CRYGS: variants seen among roughly 807,000 people sequenced by gnomAD.
The protein encoded by CRYGS is crystallin gamma S, also known as gamma-crystallin S.
A neutral mutation model predicts 21.3 loss-of-function variants in CRYGS; 13 were observed. The observed-to-expected ratio is 0.61, with a 90% confidence interval of 0.40 to 0.97. The LOEUF (loss-of-function observed/expected upper bound fraction) is 0.97. Among genes scored for constraint, CRYGS ranks in the 50% least tolerant of loss-of-function variants. CRYGS has a pLI of 0.00. For synonymous variants in CRYGS, 67 were observed against 75.0 expected (o/e 0.89, Z 0.55); for missense variants, 205 against 229.7 (o/e 0.89, Z 0.69).
intron 1 of CRYGS, among the ~76,000 whole-genome samples, chr3:186,542,543 A>G (rs1300689311): frequency 1.3e-5 from 2 of 152,218 alleles, no homozygotes; most frequent in Non-Finnish European, 2.9e-5. Flanking sequence ...AAATATCTTG[A>G]GTATCCCAGA....
chr3:186,543,575 GATATACAA>G (rs1337523043), intron 1 of CRYGS, among the ~76,000 whole-genome samples: 1 of 152,150 alleles, frequency 6.6e-6, no homozygotes, highest in Non-Finnish European at 1.5e-5. Flanking sequence ...ATAAGTGAAA[GATATACAA>G]ATATTCATTC....
intron 1 of CRYGS, 187 bp from the exon 2 acceptor site, chr3:186,539,784 G>T: frequency 1.6e-6 from 1 of 640,018 alleles, no homozygotes; most frequent in Non-Finnish European, 2.6e-6. Context: ...CAACAGAAAT[G>T]AGTTCTTCCT....
At chr3:186,541,008 T>A (rs936014338) in intron 1 of CRYGS, among the ~76,000 whole-genome samples, 26 of 152,044 alleles carry the variant, frequency 1.7e-4, no homozygotes, top group Non-Finnish European at 3.1e-4. Context: ...TATGAGTGAG[T>A]TGGACTTAGT....
chr3:186,541,981 G>C (rs1714080807), intron 1 of CRYGS, among the ~76,000 whole-genome samples: 2 of 152,130 alleles, frequency 1.3e-5, no homozygotes. Context: ...TAATTCATAT[G>C]TTCTATTTGC....
chr3:186,540,337 T>C (rs1462820982), intron 1 of CRYGS: 1 of 152,258 alleles, frequency 6.6e-6, no homozygotes, highest in Non-Finnish European at 1.5e-5. Context: ...ACTACAGAGC[T>C]CCCTCTCTAC....
intron 1 of CRYGS, among the ~76,000 whole-genome samples, chr3:186,543,644 A>T (rs1052962707): frequency 6.6e-5 from 10 of 152,200 alleles, no homozygotes; most frequent in Non-Finnish European, 1.0e-4. Flanking sequence ...AAATTTTCAA[A>T]TAGCTGGGGG....
At chr3:186,543,737 A>T (rs1714121624) in intron 1 of CRYGS, among the ~76,000 whole-genome samples, 1 of 152,194 alleles carries the variant, frequency 6.6e-6, no homozygotes, top group Non-Finnish European at 1.5e-5. Flanking sequence ...CCAAAGCCCT[A>T]CCTGAAAGAA....
intron 1 of CRYGS, 97 bp downstream of exon 1, chr3:186,544,209 A>T (rs1419794550): frequency 1.2e-6 from 1 of 841,088 alleles, no homozygotes; most frequent in South Asian, 1.3e-5. Context: ...AACCACTATC[A>T]TACTCACCTC....
chr3:186,541,878 G>A (rs968892678), intron 1 of CRYGS, among the ~76,000 whole-genome samples: 1 of 152,174 alleles, frequency 6.6e-6, no homozygotes, highest in Non-Finnish European at 1.5e-5. Flanking sequence ...CCAAGGCTGG[G>A]CCTAAGCCTC....
At chr3:186,543,693 G>A (rs755732720) in intron 1 of CRYGS, among the ~76,000 whole-genome samples, 64 of 151,956 alleles carry the variant, frequency 4.2e-4, no homozygotes, top group African/African-American at 1.2e-3. Context: ...CAGTGGAAGC[G>A]CAAAAAAGAA....
chr3:186,540,721 C>T (rs1194493096), intron 1 of CRYGS: 8 of 975,496 alleles, frequency 8.2e-6, no homozygotes, highest in African/African-American at 5.3e-5. Context: ...ATGGATTTCA[C>T]GGGCGAAAAC....
At chr3:186,539,636 G>A in intron 1 of CRYGS, 39 bp from the exon 2 acceptor site, 2 of 1,612,868 alleles carry the variant, frequency 1.2e-6, no homozygotes, top group Non-Finnish European at 1.7e-6. Flanking sequence ...CTGAGGAGCT[G>A]GGTGGCTTAA....
intron 1 of CRYGS, 39 bp from the exon 2 acceptor site, chr3:186,539,636 G>C: frequency 6.2e-7 from 1 of 1,612,868 alleles, no homozygotes; most frequent in Non-Finnish European, 8.5e-7. Context: ...CTGAGGAGCT[G>C]GGTGGCTTAA....
At position 186,538,798 on chromosome 3, in the gene CRYGS, G is replaced by A; in HGVS notation, c.435C>T (p.Tyr145=). 6.2e-7 allele frequency: 1 copy of A among 1,614,134 alleles called. No individual in the cohort carries two copies. Among genetic ancestry groups the A allele is most frequent in the Non-Finnish European group, 8.5e-7 (1 of 1,180,012 alleles). Residue 145 remains tyrosine, a synonymous_variant, in exon 3 of 3, where the codon TAC becomes TAT. Transcript: ENST00000307944. ...GVWIFYELPN[Y]RGRQYLLDKK... ...TGTCCAGGAGGTACTGCCTGCCACG[G>A]TAGTTGGGTAGCTCATAGAAAATCC...
At position 186,543,332 on chromosome 3, in the gene CRYGS, CAG is replaced by C. The variant is rs146859487; in HGVS notation, c.21+972_21+973del. 6.9e-3 allele frequency among the ~76,000 whole-genome samples: 1,049 copies of C among 152,196 alleles called. 11 individuals carry two copies. Among genetic ancestry groups the C allele is most frequent in the African/African-American group, 0.024 (991 of 41,524 alleles). On this transcript the variant is annotated intron_variant, in intron 1 of 2. Coordinates refer to ENST00000307944, the MANE Select transcript of CRYGS (RefSeq NM_017541.4). ...CATGAAGCACTTTTCTGGGGACAAT[CAG>C]GGGAGATTTGAATATGGTCTCAATA...
In CRYGS at chr3:186,544,185, A is replaced by T. The variant is rs570046633; in HGVS notation, c.21+121T>A. 7.7e-6 allele frequency: 6 copies of T among 774,990 alleles called. 1 individual carries two copies. In the South Asian group the frequency reaches 8.3e-5, roughly 11 times the overall value. 48.0% of individuals were successfully genotyped at this position (774,990 alleles called of 1,614,324 possible). A position where few individuals can be genotyped will look rare whatever the true frequency, so the allele number is the denominator to read the frequency against. ...TAAGCATTTCTTAATCTTCTCTCTCAATCCCAGTTCTCTAACCACTATCAT... is the reference window on the plus strand; with the variant it reads ...TAAGCATTTCTTAATCTTCTCTCTCTATCCCAGTTCTCTAACCACTATCAT... On this transcript the variant is annotated intron_variant, in intron 1 of 2. Coordinates refer to ENST00000307944, the MANE Select transcript of CRYGS (RefSeq NM_017541.4).
In CRYGS at chr3:186,539,503, G is replaced by C. The variant is rs1184398243; in HGVS notation, c.116C>G (p.Ser39Cys). ...DFHTYLSRCN[S>C]IKVEGGTWAV... Reference sequence around the variant, plus strand: ...CCAGGTGCCTCCTTCCACTTTAATGGAGTTGCAGCGACTTAGGTATGTGTG... The same window carrying C: ...CCAGGTGCCTCCTTCCACTTTAATGCAGTTGCAGCGACTTAGGTATGTGTG... Residue 39 changes from serine to cysteine, a missense_variant, in exon 2 of 3, where the codon TCC (serine) becomes TGC (cysteine). Physicochemically the swap from Ser to Cys is moderately radical, Grantham distance 112. Transcript: ENST00000307944. The C allele has an allele frequency of 6.2e-7, 1 of 1,613,920 alleles. No homozygotes were observed. The highest frequency in any genetic ancestry group is 1.1e-5 in the South Asian group (1 of 91,054).
rs761628147 is a variant in CRYGS, at chr3:186,539,395, C to G, written c.224G>C (p.Gly75Ala). The part of the protein sequence containing the change: ...GEYPEYQRWM[G>A]LNDRLSSCRA... ...GCAGGAGCTGAGGCGGTCGTTGAGG[C>G]CCATCCAACGCTGGTATTCAGGGTA... Residue 75 changes from glycine (G) to alanine (A), a missense_variant, in exon 2 of 3, where the codon GGC becomes GCC. Physicochemically the swap from Gly to Ala is moderately conservative, Grantham distance 60. Coordinates refer to ENST00000307944, the MANE Select transcript of CRYGS (RefSeq NM_017541.4). 8 of 1,612,180 alleles carry G rather than the reference C, an allele frequency of 5.0e-6. No homozygotes were observed. The highest frequency in any genetic ancestry group is 4.5e-5 in the East Asian group (2 of 44,878).
chr3:186,538,561 C>T lies in CRYGS; in HGVS notation c.*135G>A. On this transcript the variant is annotated 3_prime_UTR_variant, in exon 3 of 3. Coordinates refer to ENST00000307944, the MANE Select transcript of CRYGS (RefSeq NM_017541.4). The stretch of plus-strand genomic sequence containing the variant: ...CTGTGGCGAGCACTGTATTGCTGGT[C>T]CCTAGAAGCATTTAAGGAGAGGCAT... 8.8e-7 allele frequency: 1 copy of T among 1,130,674 alleles called. No individual in the cohort carries two copies. The highest frequency in any genetic ancestry group is 1.3e-6 in the Non-Finnish European group (1 of 774,136). 70.0% of individuals were successfully genotyped at this position (1,130,674 alleles called of 1,614,324 possible).
Sources: allele counts gnomAD v4.1 joint callset (sites outside exome capture counted in the v4.1 genomes callset), GRCh38; gene constraint gnomAD v4.1.1; transcripts MANE v1.5; gene names NCBI Gene and HGNC (gene_info 2026-07-23, HGNC 2026-07-21).